The following FHIT variants were observed in gnomAD, a reference collection of about 807,000 sequenced individuals.
The protein encoded by FHIT is bis(5'-adenosyl)-triphosphatase.
Under a neutral mutation model 17.9 loss-of-function variants are expected in FHIT, and 19 were observed. The ratio of observed to expected loss-of-function variants is 1.06; its 90% CI spans 0.74 to 1.56. The LOEUF (loss-of-function observed/expected upper bound fraction) is 1.56, where lower values mean the gene tolerates loss of function less well. Ranked by LOEUF, FHIT falls within the 40% of genes most tolerant of loss-of-function variation. The pLI is 0.00. For synonymous variants in FHIT, 81 were observed against 69.7 expected (o/e 1.16, Z -0.81); for missense variants, 248 against 189.2 (o/e 1.31, Z -1.82).
intron 4 of FHIT, among the ~76,000 whole-genome samples, chr3:60,628,954 TTGCCTCTCTC>T: frequency 2.1e-5 from 1 of 46,882 alleles, no homozygotes; most frequent in Non-Finnish European, 5.2e-5. Flanking sequence ...CTCTCTCAGC[TTGCCTCTCTC>T]AGCATAGAAT....
At chr3:60,425,012 C>A (rs547803811) in intron 5 of FHIT, among the ~76,000 whole-genome samples, 1 of 152,166 alleles carries the variant, frequency 6.6e-6, no homozygotes, top group Non-Finnish European at 1.5e-5. Flanking sequence ...AAGCGTGGGG[C>A]AAATTGGGAG....
intron 2 of FHIT, among the ~76,000 whole-genome samples, chr3:61,156,270 T>C (rs534281046): frequency 4.6e-5 from 7 of 152,268 alleles, no homozygotes; most frequent in South Asian, 4.2e-4. Context: ...TAGCAAATCA[T>C]TGAACCTGGT....
intron 5 of FHIT, among the ~76,000 whole-genome samples, chr3:60,018,701 G>T (rs1430970731): frequency 6.6e-6 from 1 of 152,138 alleles, no homozygotes; most frequent in Non-Finnish European, 1.5e-5. Flanking sequence ...TGATCGGCCG[G>T]GCGCAGTGGC....
At chr3:59,760,394 C>T (rs1433676810) in intron 8 of FHIT, among the ~76,000 whole-genome samples, 1 of 152,050 alleles carries the variant, frequency 6.6e-6, no homozygotes, top group African/African-American at 2.4e-5. Flanking sequence ...ATTGTCAAGC[C>T]GATTGCCAAA....
At chr3:60,156,621 G>GAGC (rs1157041210) in intron 5 of FHIT, among the ~76,000 whole-genome samples, 1 of 151,452 alleles carries the variant, frequency 6.6e-6, no homozygotes, top group Admixed American at 6.6e-5. Flanking sequence ...CCATAATGGT[G>GAGC]AGCACCTGTA....
At chr3:60,296,535 TTA>T (rs891371966) in intron 5 of FHIT, among the ~76,000 whole-genome samples, 1 of 152,162 alleles carries the variant, frequency 6.6e-6, no homozygotes, top group Non-Finnish European at 1.5e-5. Context: ...TGCGAGTTCA[TTA>T]TAAATGTTAG....
intron 5 of FHIT, among the ~76,000 whole-genome samples, chr3:60,334,181 T>C (rs923434709): frequency 2.0e-5 from 3 of 152,204 alleles, no homozygotes; most frequent in African/African-American, 7.2e-5. Flanking sequence ...TTCTATTATA[T>C]TGTTTCTCTG....
intron 5 of FHIT, among the ~76,000 whole-genome samples, chr3:60,040,476 C>A (rs1389803050): frequency 2.0e-5 from 3 of 152,020 alleles, no homozygotes; most frequent in Non-Finnish European, 4.4e-5. Flanking sequence ...TTTCTTCATA[C>A]CATAACTCAG....
At chr3:61,239,721 T>C (rs1392505741) in intron 1 of FHIT, among the ~76,000 whole-genome samples, 1 of 123,692 alleles carries the variant, frequency 8.1e-6, no homozygotes, top group Non-Finnish European at 1.6e-5. Context: ...ATTATGTCCA[T>C]TTTACAAAGA....
chr3:60,981,611 A>G (rs567539894), intron 3 of FHIT, among the ~76,000 whole-genome samples: 2 of 151,584 alleles, frequency 1.3e-5, no homozygotes, highest in African/African-American at 4.8e-5. Context: ...GTGCCCAGCC[A>G]CTTCTTTCCT....
At chr3:60,928,364 C>CT (rs1282188964) in intron 3 of FHIT, among the ~76,000 whole-genome samples, 85 of 89,466 alleles carry the variant, frequency 9.5e-4, no homozygotes, top group African/African-American at 3.2e-3. Context: ...TATGAAAGAA[C>CT]TTTAAAAAAA....
chr3:59,762,045 G>C (rs2106787919), intron 8 of FHIT, among the ~76,000 whole-genome samples: 1 of 152,214 alleles, frequency 6.6e-6, no homozygotes, highest in South Asian at 2.1e-4. Context: ...GGAAAATGAA[G>C]GGTTACTTGG....
At chr3:60,265,580 C>A (rs1400060048) in intron 5 of FHIT, among the ~76,000 whole-genome samples, 2 of 151,862 alleles carry the variant, frequency 1.3e-5, no homozygotes, top group Non-Finnish European at 2.9e-5. Flanking sequence ...ATAAATTAGA[C>A]TTCATCAAAA....
intron 5 of FHIT, among the ~76,000 whole-genome samples, chr3:60,022,369 C>A (rs1420936003): frequency 6.6e-6 from 1 of 152,178 alleles, no homozygotes; most frequent in Non-Finnish European, 1.5e-5. Context: ...TATGGTAGGC[C>A]TTCTGGACCC....
intron 3 of FHIT, among the ~76,000 whole-genome samples, chr3:61,030,900 C>A (rs184640306): frequency 6.6e-6 from 1 of 152,032 alleles, no homozygotes; most frequent in Admixed American, 6.6e-5. Flanking sequence ...AGCAAGGGTC[C>A]CATGTGGCTG....
At position 60,248,031 on chromosome 3, in the gene FHIT, C is replaced by G. The variant is rs116386960; in HGVS notation, c.104-233879G>C. 7.6e-3 allele frequency among the ~76,000 whole-genome samples: 1,151 copies of G among 152,204 alleles called. 10 individuals are homozygous for G. The highest frequency in any genetic ancestry group is 0.026 in the African/African-American group (1,074 of 41,542). ...ATGCAAGGTTTGGAATTCGTTACTT[C>G]AGAGTAGAATTTTACCAGGTTAGAG... On this transcript the variant is annotated intron_variant, in intron 5 of 9. Transcript: ENST00000492590.
In FHIT at chr3:60,131,315, T is replaced by C. The variant is rs564529785; in HGVS notation, c.104-117163A>G. ...TAACATATTGTTTTTATTTGCATTA[T>C]TTTTATTGTTGTATTACTTTTTATG... On this transcript the variant is annotated intron_variant, in intron 5 of 9. Transcript: ENST00000492590. 6.6e-5 allele frequency among the ~76,000 whole-genome samples: 10 copies of C among 152,012 alleles called. No homozygotes were observed. In the South Asian group the frequency reaches 1.7e-3, roughly 25 times the overall value.
chr3:61,249,906 C>T (rs1279256835), intron 1 of FHIT, among the ~76,000 whole-genome samples: 1 of 148,978 alleles, frequency 6.7e-6, no homozygotes, highest in Non-Finnish European at 1.5e-5. Flanking sequence ...ATATCTAACA[C>T]TTAGAACAGC....
intron 4 of FHIT, among the ~76,000 whole-genome samples, chr3:60,552,478 C>T (rs960652539): frequency 6.6e-6 from 1 of 152,174 alleles, no homozygotes; most frequent in African/African-American, 2.4e-5. Context: ...CCACATTCCT[C>T]ACCAACACCC....
Sources: allele counts gnomAD v4.1 joint callset (sites outside exome capture counted in the v4.1 genomes callset), GRCh38; gene constraint gnomAD v4.1.1; transcripts MANE v1.5; gene names NCBI Gene and HGNC (gene_info 2026-07-23, HGNC 2026-07-21).